SUPT3H: variants seen among roughly 807,000 people sequenced by gnomAD.
SUPT3H encodes transcription initiation protein SPT3 homolog.
A neutral mutation model predicts 44.3 loss-of-function variants in SUPT3H; 44 were observed. The ratio of observed to expected loss-of-function variants is 0.99; its 90% CI spans 0.78 to 1.28. SUPT3H has a LOEUF of 1.28. SUPT3H is among the 50% of genes most tolerant of loss of function. The probability of loss-of-function intolerance (pLI) is 0.00; values close to 1 mark genes in which losing one functional copy is unlikely to be tolerated. For synonymous variants in SUPT3H, 124 were observed against 125.6 expected (o/e 0.99, Z 0.09); for missense variants, 380 against 387.1 (o/e 0.98, Z 0.15).
intron 2 of SUPT3H, among the ~76,000 whole-genome samples, chr6:45,194,847 A>G (rs146307463): frequency 1.1e-4 from 16 of 152,292 alleles, no homozygotes; most frequent in Admixed American, 2.0e-4. Flanking sequence ...ATCTAATCTC[A>G]GAATGCTTAG....
At chr6:45,321,841 G>A in intron 2 of SUPT3H, 2 of 1,600,284 alleles carry the variant, frequency 1.2e-6, no homozygotes, top group South Asian at 1.1e-5. Flanking sequence ...ATAACAATAG[G>A]GAAAAACTGA....
intron 2 of SUPT3H, among the ~76,000 whole-genome samples, chr6:45,347,071 C>CA (rs1791036320): frequency 6.6e-6 from 1 of 152,050 alleles, no homozygotes; most frequent in Non-Finnish European, 1.5e-5. Context: ...AAATTGAACA[C>CA]ATTTTAAATA....
intron 2 of SUPT3H, among the ~76,000 whole-genome samples, chr6:45,184,791 A>G (rs200196940): frequency 2.9e-5 from 1 of 35,006 alleles, no homozygotes; most frequent in Non-Finnish European, 5.8e-5. Context: ...AAAAAAAAAA[A>G]AAAAAAAAAA....
intron 3 of SUPT3H, among the ~76,000 whole-genome samples, chr6:45,091,243 T>C (rs1797084042): frequency 6.6e-6 from 1 of 152,094 alleles, no homozygotes; most frequent in South Asian, 2.1e-4. Flanking sequence ...ATATTTATCA[T>C]AGACTTGAAA....
intron 2 of SUPT3H, among the ~76,000 whole-genome samples, chr6:45,312,685 G>T (rs866891515): frequency 7.6e-5 from 9 of 118,756 alleles, no homozygotes; most frequent in Admixed American, 1.7e-4. Context: ...AATAATGTGG[G>T]GGGGGGGGGG....
chr6:45,102,111 A>G (rs1232511283), intron 3 of SUPT3H, among the ~76,000 whole-genome samples: 1 of 152,176 alleles, frequency 6.6e-6, no homozygotes, highest in African/African-American at 2.4e-5. Context: ...GAAAAAAGAA[A>G]ACAAAACAGA....
rs576595790 is a variant in SUPT3H at position 44,973,362 on chromosome 6, T to C, written c.505-11534A>G. Among the ~76,000 whole-genome samples, 3 of 152,308 alleles carry C rather than the reference T, an allele frequency of 2.0e-5. No homozygotes were observed. The East Asian group carries it at 5.8e-4, about 29-fold the overall frequency. On this transcript the variant is annotated intron_variant, in intron 6 of 10. Transcript: ENST00000371459. ...CACCATTATTTTAGTTCCCAACAAC[T>C]TCCTCATCTCCATCTGGGACCACCT...
rs1420311693 is a variant in SUPT3H at position 45,095,695 on chromosome 6, T to C, written c.186+10227A>G. Among the ~76,000 whole-genome samples, 1 of 152,144 alleles carries C rather than the reference T, an allele frequency of 6.6e-6. No individual in the cohort carries two copies. The highest frequency in any genetic ancestry group is 1.5e-5 in the Non-Finnish European group (1 of 67,998). The stretch of plus-strand genomic sequence containing the variant: ...TAAAATGTAGTGAATCTTTTGATAT[T>C]TAACTTTGAATGAACAGAGAAATGA... On this transcript the variant is annotated intron_variant, in intron 3 of 10. Transcript: ENST00000371459. The surrounding 1 kb of genome is among the most constrained non-coding windows in gnomAD (Gnocchi z 4.1).
chr6:44,886,503 T>C (rs1202202886), intron 10 of SUPT3H, among the ~76,000 whole-genome samples: 1 of 152,170 alleles, frequency 6.6e-6, no homozygotes, highest in East Asian at 1.9e-4. Context: ...CAGAATTTCA[T>C]ATACAGCCAA....
chr6:44,870,200 C>G (rs1582100028), intron 10 of SUPT3H, among the ~76,000 whole-genome samples: 2 of 152,290 alleles, frequency 1.3e-5, no homozygotes, highest in East Asian at 3.9e-4. Flanking sequence ...GGAACAGTGC[C>G]TCTTTCCTCA....
chr6:45,031,916 T>C (rs1162839049), intron 3 of SUPT3H, among the ~76,000 whole-genome samples: 3 of 152,186 alleles, frequency 2.0e-5, no homozygotes, highest in Non-Finnish European at 4.4e-5. Flanking sequence ...TATCTTACCA[T>C]GTTTACCATG....
At chr6:45,242,680 A>T (rs963998255) in intron 2 of SUPT3H, among the ~76,000 whole-genome samples, 1 of 152,228 alleles carries the variant, frequency 6.6e-6, no homozygotes, top group Non-Finnish European at 1.5e-5. Flanking sequence ...TCTATAACTA[A>T]TCTATAATTA....
chr6:45,303,671 TA>T lies in SUPT3H; in HGVS notation c.101+61529del, dbSNP rs36119324. On this transcript the variant is annotated intron_variant, in intron 2 of 10. Transcript: ENST00000371459. ...ATGAGATGTTGCCTGATTCTAGAAGTAAAAAAAAAAAAAAAAAAAAAGAAAC... is the reference window on the plus strand; with the variant it reads ...ATGAGATGTTGCCTGATTCTAGAAGTAAAAAAAAAAAAAAAAAAAAGAAAC... Among the ~76,000 whole-genome samples, 476 of 113,046 alleles carry T rather than the reference TA, an allele frequency of 4.2e-3. 1 individual carries two copies. The highest frequency in any genetic ancestry group is 7.5e-3 in the African/African-American group (231 of 30,682). The allele number at this position is 113,046 out of a possible 152,430, so 74.2% of individuals were successfully genotyped here.
intron 7 of SUPT3H, among the ~76,000 whole-genome samples, chr6:44,958,356 T>C (rs1459053755): frequency 1.3e-5 from 2 of 152,196 alleles, no homozygotes; most frequent in Admixed American, 6.5e-5. Flanking sequence ...TTCTATCCCA[T>C]CCCTTCCCAA....
At chr6:45,081,910 C>T (rs997796037) in intron 3 of SUPT3H, among the ~76,000 whole-genome samples, 2 of 152,046 alleles carry the variant, frequency 1.3e-5, no homozygotes, top group Admixed American at 6.5e-5. Flanking sequence ...CACTCAGTTA[C>T]ATGAAAATGC....
chr6:45,348,278 T>G (rs1791295686), intron 2 of SUPT3H, among the ~76,000 whole-genome samples: 1 of 152,002 alleles, frequency 6.6e-6, no homozygotes. Flanking sequence ...GCTGGATGAC[T>G]CTGGAAAGCT....
chr6:44,893,983 C>T (rs1763718779), intron 10 of SUPT3H, among the ~76,000 whole-genome samples: 2 of 141,490 alleles, frequency 1.4e-5, no homozygotes, highest in African/African-American at 2.5e-5. Context: ...TGATGGTGAG[C>T]ATTTTTTCAT....
At chr6:45,099,141 G>A (rs1798195432) in intron 3 of SUPT3H, 8 of 329,790 alleles carry the variant, frequency 2.4e-5, no homozygotes, top group South Asian at 1.5e-4. Context: ...CCAGGATTTA[G>A]GCCACACATA....
intron 2 of SUPT3H, chr6:45,321,860 T>C: frequency 1.3e-6 from 2 of 1,595,734 alleles, no homozygotes; most frequent in East Asian, 4.5e-5. Context: ...GATTTTCCAA[T>C]TATTTCTATA....
Sources: gnomAD v4.1 joint callset for allele counts (sites outside exome capture counted in the v4.1 genomes callset) on GRCh38, gnomAD v4.1.1 for gene constraint, Gnocchi (gnomAD v3.1) non-coding constraint, MANE v1.5 for transcripts, NCBI Gene and HGNC (gene_info 2026-07-23, HGNC 2026-07-21) for gene names.